The following KITLG variants were observed in gnomAD, a reference collection of about 807,000 sequenced individuals.
KITLG encodes KIT ligand.
KITLG carries 13 observed loss-of-function variants against 34.1 expected under a neutral mutation model. The observed-to-expected ratio is 0.38, with a 90% CI of 0.25 to 0.61. The LOEUF (loss-of-function observed/expected upper bound fraction) is 0.61, where lower values mean the gene tolerates loss of function less well. Ranked by LOEUF, KITLG falls within the 20% of genes least tolerant of loss-of-function variation. KITLG has a pLI of 0.60. For synonymous variants in KITLG, 110 were observed against 104.0 expected (o/e 1.06, Z -0.35); for missense variants, 292 against 318.9 (o/e 0.92, Z 0.64).
intron 1 of KITLG, among the ~76,000 whole-genome samples, chr12:88,551,100 T>G (rs1230332567): frequency 6.6e-6 from 1 of 152,216 alleles, no homozygotes; most frequent in Non-Finnish European, 1.5e-5. Context: ...AAAACCTATA[T>G]TTCTTAAAGC....
chr12:88,571,885 C>T (rs1285486709), intron 1 of KITLG, among the ~76,000 whole-genome samples: 2 of 152,138 alleles, frequency 1.3e-5, no homozygotes, highest in Admixed American at 1.3e-4. Context: ...TTGCAATAAA[C>T]ACCTGGGATT....
At chr12:88,518,260 C>A (rs1469717463) in intron 4 of KITLG, among the ~76,000 whole-genome samples, 2 of 152,114 alleles carry the variant, frequency 1.3e-5, no homozygotes, top group African/African-American at 2.4e-5. Flanking sequence ...TGGTGATGAT[C>A]AGTTATCCAA....
At chr12:88,537,009 T>C (rs1392229497) in intron 2 of KITLG, among the ~76,000 whole-genome samples, 1 of 152,008 alleles carries the variant, frequency 6.6e-6, no homozygotes, top group Non-Finnish European at 1.5e-5. Context: ...AAACAACAGA[T>C]GCTGGTGTGG....
In KITLG at chr12:88,542,035, A is replaced by G. The variant is rs184300426; in HGVS notation, c.129+3717T>C. Among the ~76,000 whole-genome samples, 110 of 152,276 alleles carry G rather than the reference A, an allele frequency of 7.2e-4. No homozygotes were observed. The East Asian group carries it at 0.015, about 21-fold the overall frequency. On this transcript the variant is annotated intron_variant, in intron 2 of 9. Coordinates refer to ENST00000644744, the MANE Select transcript of KITLG (RefSeq NM_000899.5). ...GGCCACTTTCTTTCCCTCACATAAA[A>G]TGTAGCAAGGTTATGTCTGCAAAGC...
chr12:88,539,296 T>A (rs575829582), intron 2 of KITLG, among the ~76,000 whole-genome samples: 2 of 152,130 alleles, frequency 1.3e-5, no homozygotes, highest in East Asian at 1.9e-4. Flanking sequence ...TAGTTATCTA[T>A]GACTCCCTTG....
At chr12:88,526,389 A>T (rs1000631849) in intron 3 of KITLG, among the ~76,000 whole-genome samples, 1 of 152,222 alleles carries the variant, frequency 6.6e-6, no homozygotes, top group Non-Finnish European at 1.5e-5. Flanking sequence ...TCACCTCATC[A>T]TTATAACCTT....
chr12:88,530,570 C>T (rs546897090), intron 3 of KITLG, among the ~76,000 whole-genome samples: 6 of 152,184 alleles, frequency 3.9e-5, no homozygotes, highest in African/African-American at 1.4e-4. Context: ...TTTGTTTCTT[C>T]AAGTGTCTGC....
intron 2 of KITLG, among the ~76,000 whole-genome samples, chr12:88,536,548 C>T (rs142237544): frequency 2.4e-4 from 37 of 152,140 alleles, no homozygotes; most frequent in South Asian, 6.2e-4. Flanking sequence ...ATGTTTATTG[C>T]GGCACTATTC....
intron 5 of KITLG, 29 bp downstream of exon 5, chr12:88,516,305 T>A: frequency 6.3e-7 from 1 of 1,597,222 alleles, no homozygotes; most frequent in East Asian, 2.2e-5. Context: ...GTTGTTTACA[T>A]TTGAACTGGA....
intron 1 of KITLG, among the ~76,000 whole-genome samples, chr12:88,573,977 G>A (rs1871742121): frequency 6.6e-6 from 1 of 151,918 alleles, no homozygotes. Context: ...CTAATCAGCA[G>A]CATTCAAGAG....
At chr12:88,558,243 T>C (rs1871166026) in intron 1 of KITLG, among the ~76,000 whole-genome samples, 8 of 151,620 alleles carry the variant, frequency 5.3e-5, no homozygotes, top group Admixed American at 5.3e-4. Context: ...TCACAAGACC[T>C]TTTAAATAAA....
intron 9 of KITLG, among the ~76,000 whole-genome samples, chr12:88,500,739 T>A (rs1868821008): frequency 6.6e-6 from 1 of 152,234 alleles, no homozygotes; most frequent in African/African-American, 2.4e-5. Context: ...TTCACATAGC[T>A]GTTCTCACGC....
At chr12:88,506,996 A>T (rs1869088058) in intron 7 of KITLG, 32 bp downstream of exon 7, 1 of 1,111,162 alleles carries the variant, frequency 9.0e-7, no homozygotes, top group South Asian at 1.2e-5. Flanking sequence ...TAAACATAGC[A>T]TATTTTTAAA....
At chr12:88,555,122 G>A (rs1444444391) in intron 1 of KITLG, among the ~76,000 whole-genome samples, 1 of 152,148 alleles carries the variant, frequency 6.6e-6, no homozygotes, top group Admixed American at 6.5e-5. Flanking sequence ...GGCAGACAAT[G>A]TAATATAATA....
At chr12:88,578,160 T>G (rs1220814854) in intron 1 of KITLG, among the ~76,000 whole-genome samples, 1 of 152,288 alleles carries the variant, frequency 6.6e-6, no homozygotes, top group East Asian at 1.9e-4. Flanking sequence ...ATATGAAAGA[T>G]CTAATCCCCT....
At chr12:88,498,637 G>A (rs930181858) in intron 9 of KITLG, among the ~76,000 whole-genome samples, 1 of 152,204 alleles carries the variant, frequency 6.6e-6, no homozygotes, top group South Asian at 2.1e-4. Context: ...CACTTTGAGA[G>A]GCTGAGGTAG....
chr12:88,565,351 G>T (rs929449184), intron 1 of KITLG, among the ~76,000 whole-genome samples: 8 of 152,278 alleles, frequency 5.3e-5, no homozygotes, highest in African/African-American at 1.9e-4. Flanking sequence ...TCTCGGCTGG[G>T]CACGGTGGCT....
rs190050118 is a variant in KITLG, at chr12:88,555,757, A to G, written c.16-9892T>C. On this transcript the variant is annotated intron_variant, in intron 1 of 9. Coordinates refer to ENST00000644744, the MANE Select transcript of KITLG (RefSeq NM_000899.5). ...CGATAAGTTGTTTCTTCTTATAAAA[A>G]CAAAATTGGGTGCTTTCAGACTTCT... 3.6e-4 allele frequency among the ~76,000 whole-genome samples: 55 copies of G among 152,338 alleles called. No homozygotes were observed. In the East Asian group the frequency reaches 8.7e-3, roughly 24 times the overall value.
intron 3 of KITLG, among the ~76,000 whole-genome samples, chr12:88,531,714 A>G (rs1301047057): frequency 6.7e-6 from 1 of 149,114 alleles, no homozygotes; most frequent in Non-Finnish European, 1.5e-5. Flanking sequence ...CTTACACTGA[A>G]GTCCTTTTTT....
Sources: gnomAD v4.1 joint callset for allele counts (sites outside exome capture counted in the v4.1 genomes callset) on GRCh38, gnomAD v4.1.1 for gene constraint, MANE v1.5 for transcripts, NCBI Gene and HGNC (gene_info 2026-07-23, HGNC 2026-07-21) for gene names.